The following PSEN1 variants were observed in gnomAD, a reference collection of about 807,000 sequenced individuals.
PSEN1 encodes the protein presenilin-1.
In PSEN1, 15 loss-of-function variants were observed where a neutral mutation model predicts 53.5. That is an observed-to-expected ratio of 0.28 (90% CI 0.19 to 0.43). PSEN1 has a LOEUF of 0.43. Among genes scored for constraint, PSEN1 ranks in the 20% least tolerant of loss-of-function variants. PSEN1 has a pLI of 1.00. For synonymous variants in PSEN1, 208 were observed against 209.8 expected (o/e 0.99, Z 0.08); for missense variants, 387 against 571.2 (o/e 0.68, Z 3.29).
At chr14:73,216,880 A>G (rs1196577382) in intron 10 of PSEN1, among the ~76,000 whole-genome samples, 3 of 152,310 alleles carry the variant, frequency 2.0e-5, no homozygotes, top group Non-Finnish European at 2.9e-5. Flanking sequence ...ATTATTACTT[A>G]TTATTGTTAT....
chr14:73,137,735 T>A (rs920133387), intron 1 of PSEN1, among the ~76,000 whole-genome samples: 6 of 152,110 alleles, frequency 3.9e-5, no homozygotes, highest in African/African-American at 1.4e-4. Context: ...ATTTTGAGTG[T>A]TAGGCCTGGT....
intron 6 of PSEN1, chr14:73,189,843 G>A (rs897967101): frequency 8.1e-6 from 2 of 247,650 alleles, no homozygotes; most frequent in African/African-American, 2.3e-5. Flanking sequence ...ACAGGCTGCT[G>A]ACTGCCTTCC....
In PSEN1 at chr14:73,175,426, G is replaced by A. The variant is rs906605145; in HGVS notation, c.480+1719G>A. Among the ~76,000 whole-genome samples, 4 of 151,848 alleles carry A rather than the reference G, an allele frequency of 2.6e-5. 1 individual carries two copies. Among genetic ancestry groups the A allele is most frequent in the Non-Finnish European group, 4.4e-5 (3 of 67,962 alleles). ...CAGGCGTGAGCCACCATACCTGGCC[G>A]AGGTCAGGGGTTTGAGACCAGCCTG... On this transcript the variant is annotated intron_variant, in intron 5 of 11. Coordinates refer to ENST00000324501, the MANE Select transcript of PSEN1 (RefSeq NM_000021.4).
intron 8 of PSEN1, among the ~76,000 whole-genome samples, chr14:73,202,234 T>C (rs1297858435): frequency 6.7e-6 from 1 of 148,812 alleles, no homozygotes; most frequent in Non-Finnish European, 1.5e-5. Flanking sequence ...ATATTTTTAG[T>C]TGAGCCACAG....
intron 3 of PSEN1, among the ~76,000 whole-genome samples, chr14:73,150,896 T>G (rs1897201997): frequency 6.6e-6 from 1 of 151,160 alleles, no homozygotes; most frequent in South Asian, 2.1e-4. Context: ...TGAAACCCCG[T>G]CTCTACTAAA....
At chr14:73,187,288 CT>C (rs1289984289) in intron 6 of PSEN1, among the ~76,000 whole-genome samples, 3 of 152,058 alleles carry the variant, frequency 2.0e-5, no homozygotes, top group Admixed American at 2.0e-4. Flanking sequence ...ATCAGTGACT[CT>C]TTTTTCTTTC....
chr14:73,218,650 A>C (rs1338673113), intron 11 of PSEN1, among the ~76,000 whole-genome samples: 1 of 151,034 alleles, frequency 6.6e-6, no homozygotes, highest in Non-Finnish European at 1.5e-5. Context: ...CCCACACAGC[A>C]TAAAGAATGC....
chr14:73,160,770 G>A (rs1438371526), intron 3 of PSEN1, among the ~76,000 whole-genome samples: 1 of 130,232 alleles, frequency 7.7e-6, no homozygotes, highest in East Asian at 2.3e-4. Flanking sequence ...AAAATCTGAT[G>A]ATTTGTTTTT....
intron 9 of PSEN1, among the ~76,000 whole-genome samples, chr14:73,206,849 AACAGACAAT>A (rs1899476522): frequency 6.6e-6 from 1 of 152,244 alleles, no homozygotes; most frequent in Admixed American, 6.5e-5. Flanking sequence ...ACAAAAAAGA[AACAGACAAT>A]AAAGGAAAAA....
rs1164097798 is a variant in PSEN1 at position 73,147,958 on chromosome 14, C to G, written c.-53-9C>G. ...GTGCACAAAGTTCTGTTTTTCTTTC[C>G]CTTTTCAGAACCTCAAGAGGCTTTG... On this transcript the variant is annotated splice_polypyrimidine_tract_variant and intron_variant, in intron 2 of 11. Transcript: ENST00000324501. 1 of 1,334,018 alleles carries G rather than the reference C, an allele frequency of 7.5e-7. No homozygotes were observed. The highest frequency in any genetic ancestry group is 1.1e-6 in the Non-Finnish European group (1 of 928,180). 82.6% of individuals were successfully genotyped at this position (1,334,018 alleles called of 1,614,324 possible).
intron 1 of PSEN1, among the ~76,000 whole-genome samples, chr14:73,140,232 A>T (rs1896885304): frequency 9.8e-6 from 1 of 102,438 alleles, no homozygotes. Flanking sequence ...TTTTTTTGAG[A>T]CAGAGTCTCC....
intron 5 of PSEN1, among the ~76,000 whole-genome samples, chr14:73,177,330 T>C (rs777162837): frequency 2.3e-4 from 35 of 152,252 alleles, no homozygotes; most frequent in Non-Finnish European, 3.5e-4. Context: ...TCAAATGAAT[T>C]ATCCTTCATA....
chr14:73,139,698 T>A (rs1896862838), intron 1 of PSEN1, among the ~76,000 whole-genome samples: 1 of 152,254 alleles, frequency 6.6e-6, no homozygotes, highest in African/African-American at 2.4e-5. Flanking sequence ...AAAAATTTAC[T>A]TGTTTTGCCC....
intron 9 of PSEN1, among the ~76,000 whole-genome samples, chr14:73,209,515 G>A (rs1899594353): frequency 6.6e-6 from 1 of 152,182 alleles, no homozygotes. Flanking sequence ...GATGTTGACT[G>A]AGCACCTGAC....
intron 8 of PSEN1, among the ~76,000 whole-genome samples, chr14:73,202,417 A>ATT (rs1566648023): frequency 2.1e-4 from 13 of 60,526 alleles, no homozygotes; most frequent in African/African-American, 8.7e-4. Flanking sequence ...TCTATCACAT[A>ATT]CTATATATAT....
In PSEN1 at chr14:73,219,895, T is replaced by C. The variant is rs1344577124; in HGVS notation, c.*606T>C. ...AATGAGACTTGTTTTCCCCTCTCTT[T>C]GAGTCAAGTCAAATATGTAGATTGC... On this transcript the variant is annotated 3_prime_UTR_variant, in exon 12 of 12. Transcript: ENST00000324501. The C allele has an allele frequency of 6.5e-6, 1 of 154,558 alleles. No homozygotes were observed. Among genetic ancestry groups the C allele is most frequent in the African/African-American group, 2.4e-5 (1 of 41,462 alleles). 9.6% of individuals were successfully genotyped at this position (154,558 alleles called of 1,614,324 possible). A position where few individuals can be genotyped will look rare whatever the true frequency, so the allele number is the denominator to read the frequency against.
At chr14:73,199,066 C>T (rs916671564) in intron 8 of PSEN1, among the ~76,000 whole-genome samples, 2 of 152,160 alleles carry the variant, frequency 1.3e-5, no homozygotes, top group East Asian at 3.8e-4. Context: ...TGAGCTACCA[C>T]GCCTGGCCAT....
chr14:73,211,816 G>C lies in PSEN1; in HGVS notation c.1003G>C (p.Gly335Arg), dbSNP rs138871096. 3.1e-6 allele frequency: 5 copies of C among 1,613,980 alleles called. No individual in the cohort carries two copies. The East Asian group carries it at 1.1e-4, about 36-fold the overall frequency. Residue 335 changes from glycine to arginine, a missense_variant, in exon 10 of 12, where the codon GGG becomes CGG. Gly to Arg is a moderately radical substitution (Grantham distance 125, BLOSUM62 -2). This residue lies in a region of PSEN1 where 75 missense variants were observed against 63.7 expected (regional missense o/e 1.18). Coordinates refer to ENST00000324501, the MANE Select transcript of PSEN1 (RefSeq NM_000021.4). ...QDTVAENDDG[G>R]FSEEWEAQRD... ...CACTGTTGCAGAGAATGATGATGGCGGGTTCAGTGAGGAATGGGAAGCCCA... is the reference window on the plus strand; with the variant it reads ...CACTGTTGCAGAGAATGATGATGGCCGGTTCAGTGAGGAATGGGAAGCCCA...
chr14:73,164,337 G>A (rs914911302), intron 3 of PSEN1, among the ~76,000 whole-genome samples: 6 of 152,140 alleles, frequency 3.9e-5, no homozygotes, highest in Non-Finnish European at 5.9e-5. Context: ...ATTTTCTATT[G>A]ATAGACTAAA....
Sources: gnomAD v4.1 joint callset for allele counts (sites outside exome capture counted in the v4.1 genomes callset) on GRCh38, gnomAD v4.1.1 for gene constraint, gnomAD v4.1.1 regional missense constraint, MANE v1.5 for transcripts, NCBI Gene and HGNC (gene_info 2026-07-23, HGNC 2026-07-21) for gene names.